RSU1: variants seen among roughly 807,000 people sequenced by gnomAD.
RSU1 encodes rsu-1.
Under a neutral mutation model 31.1 loss-of-function variants are expected in RSU1, and 26 were observed. That is an observed-to-expected ratio of 0.84 (90% CI 0.61 to 1.16). The LOEUF is 1.16. Among genes scored for constraint, RSU1 ranks in the 50% most tolerant of loss-of-function variants. RSU1 has a pLI of 0.00. For missense variants in RSU1, 320 were observed against 339.1 expected, an observed-to-expected ratio of 0.94 and a Z score of 0.44; for synonymous variants, 164 against 136.3, an observed-to-expected ratio of 1.20 and a Z score of -1.41.
intron 2 of RSU1, among the ~76,000 whole-genome samples, chr10:16,786,330 G>C (rs1168680293): frequency 6.6e-6 from 1 of 152,186 alleles, no homozygotes; most frequent in Non-Finnish European, 1.5e-5. Flanking sequence ...GATTTGGCCA[G>C]TATGAGTCCA....
intron 8 of RSU1, among the ~76,000 whole-genome samples, chr10:16,655,040 A>G (rs952441209): frequency 1.6e-4 from 23 of 146,330 alleles, no homozygotes; most frequent in African/African-American, 5.6e-4. Context: ...GCTGGGCAAC[A>G]AAGACTTTGT....
chr10:16,806,080 C>A (rs755218523), intron 2 of RSU1, among the ~76,000 whole-genome samples: 1 of 152,164 alleles, frequency 6.6e-6, no homozygotes, highest in African/African-American at 2.4e-5. Context: ...CTTATCGATA[C>A]GAATACTTCA....
chr10:16,693,026 G>A (rs754427931), intron 8 of RSU1, among the ~76,000 whole-genome samples: 9 of 151,996 alleles, frequency 5.9e-5, no homozygotes, highest in South Asian at 4.2e-4. Flanking sequence ...GCAGTGGCAC[G>A]ATCTCAGCTC....
intron 4 of RSU1, among the ~76,000 whole-genome samples, chr10:16,761,839 G>C (rs1837216763): frequency 6.6e-6 from 1 of 152,132 alleles, no homozygotes; most frequent in East Asian, 1.9e-4. Flanking sequence ...CTCGACGACA[G>C]AGTGAGACTC....
intron 7 of RSU1, chr10:16,723,223 T>C (rs1426061249): frequency 6.6e-6 from 1 of 152,132 alleles, no homozygotes; most frequent in Non-Finnish European, 1.5e-5. Context: ...AAAGCAAAGA[T>C]ACAGTCAGAC....
At chr10:16,619,514 G>A (rs1240621080) in intron 8 of RSU1, among the ~76,000 whole-genome samples, 4 of 152,190 alleles carry the variant, frequency 2.6e-5, no homozygotes, top group Non-Finnish European at 5.9e-5. Flanking sequence ...GAAACAGAGG[G>A]AATGAATCAA....
At chr10:16,595,792 C>A (rs1020751662) in intron 8 of RSU1, among the ~76,000 whole-genome samples, 1 of 148,702 alleles carries the variant, frequency 6.7e-6, no homozygotes, top group African/African-American at 2.6e-5. Flanking sequence ...CATGGTGAAA[C>A]CCCATCTCTA....
chr10:16,695,996 G>GT (rs906141050), intron 7 of RSU1, among the ~76,000 whole-genome samples: 16 of 150,804 alleles, frequency 1.1e-4, no homozygotes, highest in South Asian at 6.3e-4. Flanking sequence ...CCAGTTGACT[G>GT]TTTTTTTTTC....
chr10:16,749,853 T>C (rs1836938479), intron 7 of RSU1, among the ~76,000 whole-genome samples: 1 of 152,136 alleles, frequency 6.6e-6, no homozygotes, highest in African/African-American at 2.4e-5. Flanking sequence ...TGGGGTTGTG[T>C]TTTGTTCAAA....
At chr10:16,798,839 GA>G (rs1219492419) in intron 2 of RSU1, among the ~76,000 whole-genome samples, 1 of 151,632 alleles carries the variant, frequency 6.6e-6, no homozygotes, top group Non-Finnish European at 1.5e-5. Flanking sequence ...CTTTATGCCA[GA>G]AGAAATAGAG....
chr10:16,627,110 C>T (rs1219168415), intron 8 of RSU1, among the ~76,000 whole-genome samples: 4 of 152,204 alleles, frequency 2.6e-5, no homozygotes, highest in Admixed American at 1.3e-4. Flanking sequence ...ACTGACAGGA[C>T]GACCAGTTCT....
At chr10:16,701,848 T>A (rs1835801087) in intron 7 of RSU1, among the ~76,000 whole-genome samples, 1 of 152,230 alleles carries the variant, frequency 6.6e-6, no homozygotes, top group African/African-American at 2.4e-5. Flanking sequence ...CAGTTGCTTA[T>A]AAATATAATT....
At chr10:16,702,835 T>C (rs1005645870) in intron 7 of RSU1, among the ~76,000 whole-genome samples, 10 of 152,168 alleles carry the variant, frequency 6.6e-5, no homozygotes, top group African/African-American at 2.2e-4. Flanking sequence ...GTAAGAAGAA[T>C]ACAAGATTTG....
chr10:16,722,083 A>T (rs996447232), intron 7 of RSU1, among the ~76,000 whole-genome samples: 1 of 152,156 alleles, frequency 6.6e-6, no homozygotes, highest in Non-Finnish European at 1.5e-5. Context: ...GTATGAAGAG[A>T]TATTTTGAGA....
chr10:16,620,005 C>G (rs1834040897), intron 8 of RSU1, among the ~76,000 whole-genome samples: 1 of 152,130 alleles, frequency 6.6e-6, no homozygotes, highest in Admixed American at 6.5e-5. Context: ...CAGTATACCA[C>G]ATACTCATAA....
chr10:16,814,970 G>C (rs1564367671), intron 2 of RSU1, among the ~76,000 whole-genome samples: 1 of 152,266 alleles, frequency 6.6e-6, no homozygotes, highest in Non-Finnish European at 1.5e-5. Flanking sequence ...AAGCTCCTCT[G>C]CTGAAAGCAG....
At chr10:16,673,495 T>C (rs1006894923) in intron 8 of RSU1, among the ~76,000 whole-genome samples, 5 of 152,222 alleles carry the variant, frequency 3.3e-5, no homozygotes, top group Admixed American at 6.5e-5. Flanking sequence ...TTCTTAGCAA[T>C]ATAGGAAATT....
intron 7 of RSU1, among the ~76,000 whole-genome samples, chr10:16,708,589 T>C (rs201848974): frequency 1.3e-5 from 2 of 152,150 alleles, no homozygotes; most frequent in East Asian, 3.9e-4. Context: ...ATATGAATTT[T>C]AGGATTTTTT....
chr10:16,706,510 T>G (rs2131576405), intron 7 of RSU1, among the ~76,000 whole-genome samples: 1 of 152,352 alleles, frequency 6.6e-6, no homozygotes, highest in East Asian at 1.9e-4. Flanking sequence ...TAATCCTTTA[T>G]CAGATATACA....
Sources: gnomAD v4.1 joint callset for allele counts (sites outside exome capture counted in the v4.1 genomes callset) on GRCh38, gnomAD v4.1.1 for gene constraint, MANE v1.5 for transcripts, NCBI Gene and HGNC (gene_info 2026-07-23, HGNC 2026-07-21) for gene names.